The following SNX30 variants were observed in gnomAD, a reference collection of about 807,000 sequenced individuals.
The protein encoded by SNX30 is sorting nexin-30.
In SNX30, 24 loss-of-function variants were observed where a neutral mutation model predicts 46.4. The observed-to-expected ratio is 0.52, with a 90% CI of 0.37 to 0.73. The LOEUF (loss-of-function observed/expected upper bound fraction) is 0.73, where lower values mean the gene tolerates loss of function less well. SNX30 is among the 30% of genes least tolerant of loss of function. The pLI is 0.00. For synonymous variants in SNX30, 189 were observed against 211.5 expected (o/e 0.89, Z 0.92); for missense variants, 533 against 555.7 (o/e 0.96, Z 0.41).
intron 2 of SNX30, among the ~76,000 whole-genome samples, chr9:112,806,628 CT>C (rs1235592042): frequency 6.6e-6 from 1 of 152,104 alleles, no homozygotes; most frequent in Non-Finnish European, 1.5e-5. Flanking sequence ...AGTTGTGTTT[CT>C]TCATCTCTTA....
intron 3 of SNX30, among the ~76,000 whole-genome samples, chr9:112,822,684 A>G (rs960221798): frequency 5.9e-5 from 9 of 152,146 alleles, no homozygotes; most frequent in Non-Finnish European, 8.8e-5. Flanking sequence ...TTTGCTTTCC[A>G]TGGTTTCAGT....
At chr9:112,868,380 C>T (rs1295039487) in intron 8 of SNX30, among the ~76,000 whole-genome samples, 1 of 152,174 alleles carries the variant, frequency 6.6e-6, no homozygotes. Flanking sequence ...GATTTCCATC[C>T]TGCATAAGCG....
At chr9:112,843,647 G>A (rs1402568785) in intron 6 of SNX30, among the ~76,000 whole-genome samples, 1 of 13,272 alleles carries the variant, frequency 7.5e-5, no homozygotes. Flanking sequence ...TTTTTTTTTA[G>A]ACAGAGTCTC....
intron 2 of SNX30, among the ~76,000 whole-genome samples, chr9:112,809,698 C>T (rs778380207): frequency 9.2e-5 from 14 of 152,084 alleles, no homozygotes; most frequent in Non-Finnish European, 1.8e-4. Context: ...TTTAATGACA[C>T]AGTTATTGCT....
intron 7 of SNX30, among the ~76,000 whole-genome samples, chr9:112,855,229 A>T (rs1416491592): frequency 6.6e-6 from 1 of 151,882 alleles, no homozygotes; most frequent in Non-Finnish European, 1.5e-5. Context: ...TTTTTTTTTA[A>T]AAAGCCAGGG....
intron 1 of SNX30, among the ~76,000 whole-genome samples, chr9:112,796,119 G>T: frequency 6.6e-6 from 1 of 152,204 alleles, no homozygotes. Flanking sequence ...TGGTAAGAAA[G>T]GAGGCTGCTG....
chr9:112,876,514 C>T (rs542628470), downstream of SNX30, among the ~76,000 whole-genome samples: 29 of 152,168 alleles, frequency 1.9e-4, no homozygotes, highest in South Asian at 3.7e-3. Context: ...AACTTGGTTT[C>T]GCTTTAGGTT....
intron 3 of SNX30, among the ~76,000 whole-genome samples, chr9:112,827,998 A>G (rs1177662042): frequency 2.0e-5 from 3 of 152,222 alleles, no homozygotes; most frequent in Non-Finnish European, 4.4e-5. Flanking sequence ...GCTGAAAACC[A>G]TTCACATGAT....
intron 5 of SNX30, among the ~76,000 whole-genome samples, chr9:112,880,758 A>T (rs1469395186): frequency 1.3e-5 from 2 of 152,120 alleles, no homozygotes; most frequent in African/African-American, 4.8e-5. Flanking sequence ...CTCTCCATCC[A>T]TTAGGCCATC....
intron 1 of SNX30, among the ~76,000 whole-genome samples, chr9:112,774,350 A>G (rs368299575): frequency 6.6e-6 from 1 of 152,214 alleles, no homozygotes; most frequent in Non-Finnish European, 1.5e-5. Flanking sequence ...CTAAAATGAG[A>G]AATGAAAGAG....
At chr9:112,842,251 G>T (rs562571149) in intron 6 of SNX30, among the ~76,000 whole-genome samples, 1 of 152,210 alleles carries the variant, frequency 6.6e-6, no homozygotes, top group Non-Finnish European at 1.5e-5. Flanking sequence ...CCTGTGGCCC[G>T]TTCTTCATCA....
chr9:112,861,694 G>A (rs1238507614), intron 7 of SNX30, among the ~76,000 whole-genome samples: 2 of 152,280 alleles, frequency 1.3e-5, no homozygotes, highest in Admixed American at 6.5e-5. Flanking sequence ...TCTCCGTGCC[G>A]CTGTGGGCCC....
At chr9:112,822,598 A>G (rs977277689) in intron 3 of SNX30, among the ~76,000 whole-genome samples, 1 of 150,236 alleles carries the variant, frequency 6.7e-6, no homozygotes, top group Non-Finnish European at 1.5e-5. Flanking sequence ...TAACATGAAC[A>G]TGTAACATAA....
In SNX30 at chr9:112,850,959, C is replaced by T. The variant is rs746527323; in HGVS notation, c.1101+14C>T. On this transcript the variant is annotated intron_variant, in intron 7 of 8. Transcript: ENST00000374232. ...GACCGCCCCAAGGTCAGGGAAGCCA[C>T]CTGGGAAGGGCTGCAAAGCTGTAGT... is the stretch of plus-strand genomic sequence containing the variant. The T allele has an allele frequency of 4.3e-6, 7 of 1,609,252 alleles. No individual in the cohort carries two copies. The African/African-American group carries it at 5.3e-5, about 12-fold the overall frequency.
At chr9:112,817,979 G>A (rs908299083) in intron 3 of SNX30, among the ~76,000 whole-genome samples, 164 bp downstream of exon 3, 3 of 152,142 alleles carry the variant, frequency 2.0e-5, no homozygotes, top group Non-Finnish European at 4.4e-5. Context: ...TTAGGTTTTA[G>A]TTTCTGATTT....
chr9:112,762,442 G>A (rs185978805), intron 1 of SNX30, among the ~76,000 whole-genome samples: 6 of 152,202 alleles, frequency 3.9e-5, no homozygotes, highest in African/African-American at 1.2e-4. Flanking sequence ...TCTCTCCCCC[G>A]AGAGGTTAAT....
In SNX30 at chr9:112,869,540, C is replaced by T. The variant is rs1421929923; in HGVS notation, c.*697C>T. On this transcript the variant is annotated 3_prime_UTR_variant, in exon 9 of 9. Transcript: ENST00000374232. ...TGCCTTTGGGAAGCTCAGGGGAATGCTCCCCAAGCTTGTTTCTGACACTAG... is the reference window on the plus strand; with the variant it reads ...TGCCTTTGGGAAGCTCAGGGGAATGTTCCCCAAGCTTGTTTCTGACACTAG... 1 of 151,970 alleles carries T rather than the reference C, an allele frequency of 6.6e-6. No individual in the cohort carries two copies. Among genetic ancestry groups the T allele is most frequent in the South Asian group, 2.1e-4 (1 of 4,820 alleles). 9.4% of individuals were successfully genotyped at this position (151,970 alleles called of 1,614,324 possible). A position where few individuals can be genotyped will look rare whatever the true frequency, so the allele number is the denominator to read the frequency against.
chr9:112,779,611 C>T (rs1440620792), intron 1 of SNX30, among the ~76,000 whole-genome samples: 2 of 152,180 alleles, frequency 1.3e-5, no homozygotes, highest in Non-Finnish European at 2.9e-5. Flanking sequence ...AGGAGAATTG[C>T]TTGAACCTGG....
intron 2 of SNX30, among the ~76,000 whole-genome samples, chr9:112,809,087 CTTTCTT>C (rs1248992028): frequency 1.1e-5 from 1 of 88,946 alleles, no homozygotes; most frequent in African/African-American, 4.3e-5. Context: ...ACATGATTTT[CTTTCTT>C]TTTTTTTTTT....
Sources: allele counts gnomAD v4.1 joint callset (sites outside exome capture counted in the v4.1 genomes callset), GRCh38; gene constraint gnomAD v4.1.1; transcripts MANE v1.5; gene names NCBI Gene and HGNC (gene_info 2026-07-23, HGNC 2026-07-21).